The following PREX1 variants were observed in gnomAD, a reference collection of about 807,000 sequenced individuals.
PREX1 encodes the protein phosphatidylinositol 3,4,5-trisphosphate-dependent Rac exchanger 1 protein.
PREX1 carries 41 observed loss-of-function variants against 198.3 expected under a neutral mutation model. The observed-to-expected ratio is 0.21, with a 90% CI of 0.16 to 0.27. The LOEUF (loss-of-function observed/expected upper bound fraction) is 0.27. Among genes scored for constraint, PREX1 ranks in the 10% least tolerant of loss-of-function variants. The pLI is 1.00. For synonymous variants in PREX1, 843 were observed against 887.2 expected (o/e 0.95, Z 0.89); for missense variants, 1,620 against 2,200.7 (o/e 0.74, Z 5.28).
At position 48,691,832 on chromosome 20, in the gene PREX1, G is replaced by A. The variant is rs900340474; in HGVS notation, c.1037-736C>T. On this transcript the variant is annotated intron_variant, in intron 8 of 39. Transcript: ENST00000371941. This position sits in a 1 kb window ranked among gnomAD's most constrained non-coding sequence, Gnocchi z 5.0. Reference sequence around the variant, plus strand: ...GCAAACAGCTACATGCAGAGACATGGATGAACCCCACTAACGTGGTGTTGA... The same window carrying A: ...GCAAACAGCTACATGCAGAGACATGAATGAACCCCACTAACGTGGTGTTGA... 6.6e-6 allele frequency among the ~76,000 whole-genome samples: 1 copy of A among 152,210 alleles called. No homozygotes were observed. Among genetic ancestry groups the A allele is most frequent in the African/African-American group, 2.4e-5 (1 of 41,462 alleles).
chr20:48,784,639 C>T (rs1224936257), intron 1 of PREX1, among the ~76,000 whole-genome samples: 3 of 152,238 alleles, frequency 2.0e-5, no homozygotes, highest in Non-Finnish European at 4.4e-5. Context: ...AAAGAAGCCC[C>T]TTTTCTGGGG....
At chr20:48,721,744 C>T (rs2089986921) in intron 5 of PREX1, among the ~76,000 whole-genome samples, 1 of 152,154 alleles carries the variant, frequency 6.6e-6, no homozygotes, top group Non-Finnish European at 1.5e-5. Flanking sequence ...AGGACAAGAA[C>T]AGAGGCAGGG....
At position 48,653,344 on chromosome 20, in the gene PREX1, G is replaced by T; in HGVS notation, c.2346+17C>A. On this transcript the variant is annotated intron_variant, in intron 20 of 39. Transcript: ENST00000371941. Reference sequence around the variant, plus strand: ...CAGCAGGACTTCTTTGACGGCCCCGGTTTCCAGTAAACTTACCAGGGCCTC... The same window carrying T: ...CAGCAGGACTTCTTTGACGGCCCCGTTTTCCAGTAAACTTACCAGGGCCTC... 1 of 1,607,316 alleles carries T rather than the reference G, an allele frequency of 6.2e-7. No homozygotes were observed. The highest frequency in any genetic ancestry group is 1.7e-5 in the Admixed American group (1 of 59,912).
At chr20:48,696,157 TTAAGA>T (rs1365251019) in intron 7 of PREX1, among the ~76,000 whole-genome samples, 2 of 152,256 alleles carry the variant, frequency 1.3e-5, no homozygotes, top group Non-Finnish European at 2.9e-5. Flanking sequence ...TTTGTCCTGT[TTAAGA>T]TATTTGCTTA....
chr20:48,673,969 C>T (rs2089692855), intron 14 of PREX1, among the ~76,000 whole-genome samples: 1 of 152,184 alleles, frequency 6.6e-6, no homozygotes, highest in Admixed American at 6.5e-5. Flanking sequence ...CCCGGACAGG[C>T]TGAGCAACTT....
chr20:48,721,631 T>C (rs567141374), intron 5 of PREX1, among the ~76,000 whole-genome samples: 10 of 152,322 alleles, frequency 6.6e-5, no homozygotes, highest in East Asian at 1.9e-4. Context: ...AGCAAAGAAC[T>C]TGGACCTTAC....
the PREX1 span, among the ~76,000 whole-genome samples, chr20:48,834,537 A>G: frequency 6.6e-6 from 1 of 151,406 alleles, no homozygotes; most frequent in African/African-American, 2.4e-5. Context: ...CTGCCTTCCA[A>G]ATTTCCAGGG....
chr20:48,853,273 C>G, the PREX1 span, among the ~76,000 whole-genome samples: 2 of 152,158 alleles, frequency 1.3e-5, no homozygotes, highest in Non-Finnish European at 2.9e-5. Context: ...TTAGTCTATT[C>G]TCATGCTGCT....
chr20:48,765,148 G>A (rs1449216284), intron 1 of PREX1, among the ~76,000 whole-genome samples: 1 of 152,166 alleles, frequency 6.6e-6, no homozygotes, highest in Non-Finnish European at 1.5e-5. Context: ...ATGAATCACG[G>A]CCAAACACAA....
intron 3 of PREX1, among the ~76,000 whole-genome samples, chr20:48,738,998 G>T (rs1293887622): frequency 6.6e-6 from 1 of 152,154 alleles, no homozygotes; most frequent in Non-Finnish European, 1.5e-5. Context: ...GGTTAAAACA[G>T]AAATCAGACC....
At chr20:48,866,206 T>A in the PREX1 span, among the ~76,000 whole-genome samples, 1 of 152,168 alleles carries the variant, frequency 6.6e-6, no homozygotes, top group Non-Finnish European at 1.5e-5. Context: ...CTGGCTAAAC[T>A]TTTAATTTTT....
intron 5 of PREX1, among the ~76,000 whole-genome samples, chr20:48,719,068 G>C (rs759758077): frequency 8.5e-5 from 13 of 152,240 alleles, no homozygotes; most frequent in Non-Finnish European, 1.8e-4. Context: ...GCAAGCCTGG[G>C]AGGTAACTAC....
At chr20:48,687,297 G>A (rs1383300455) in intron 10 of PREX1, among the ~76,000 whole-genome samples, 3 of 152,120 alleles carry the variant, frequency 2.0e-5, no homozygotes, top group Admixed American at 1.3e-4. Context: ...AACTGCACTC[G>A]TGGGCTTCCC....
chr20:48,737,215 C>CAA (rs140010281), intron 3 of PREX1, among the ~76,000 whole-genome samples: 515 of 35,288 alleles, frequency 0.015, 118 homozygotes, highest in East Asian at 0.067. Flanking sequence ...GTTTTGACAG[C>CAA]AAAAAAAAAA....
intron 2 of PREX1, among the ~76,000 whole-genome samples, chr20:48,745,964 T>C (rs1412929814): frequency 6.6e-6 from 1 of 152,232 alleles, no homozygotes; most frequent in Non-Finnish European, 1.5e-5. Flanking sequence ...CAATTATTAT[T>C]ATTACTTTGC....
In PREX1 at chr20:48,708,350, C is replaced by A. The variant is rs777832680; in HGVS notation, c.693G>T (p.Lys231Asn). The A allele has an allele frequency of 6.2e-7, 1 of 1,614,170 alleles. No homozygotes were observed. Among genetic ancestry groups the A allele is most frequent in the Admixed American group, 1.7e-5 (1 of 60,030 alleles). The change falls in exon 6 of 40, where the codon AAG becomes AAT. Residue 231 changes from lysine (K) to asparagine (N), a missense_variant. Around this residue, in one of 7 missense-constraint regions of PREX1, gnomAD observed 488 missense variants for 802.5 expected, o/e 0.61. Transcript: ENST00000371941. ...TCTCATTGATGTTGGAGCAAACGGT[C>A]TTCATGGCCTGCAGGGCACTCTGGA... is the stretch of plus-strand genomic sequence containing the variant. Reference protein sequence around the residue: ...PAVQSALQAMKTVCSNINETK... With the variant: ...PAVQSALQAMNTVCSNINETK...
In PREX1 at chr20:48,632,395, G is replaced by A; in HGVS notation, c.4412-4C>T. ...AGCCCCTCCACGTTCTCCAGCACTG[G>A]GAGGGGAGATGTCGGGGGCGGGCAG... On this transcript the variant is annotated splice_polypyrimidine_tract_variant and splice_region_variant and intron_variant, in intron 34 of 39. Coordinates refer to ENST00000371941, the MANE Select transcript of PREX1 (RefSeq NM_020820.4). 6.2e-7 allele frequency: 1 copy of A among 1,613,728 alleles called. No homozygotes were observed. The highest frequency in any genetic ancestry group is 8.5e-7 in the Non-Finnish European group (1 of 1,179,952).
chr20:48,872,773 A>G, the PREX1 span, among the ~76,000 whole-genome samples: 1 of 152,062 alleles, frequency 6.6e-6, no homozygotes. Context: ...ATAAATAAAT[A>G]ACAAAATAAG....
intron 1 of PREX1, among the ~76,000 whole-genome samples, chr20:48,779,294 T>G (rs763258903): frequency 3.3e-5 from 5 of 152,234 alleles, no homozygotes; most frequent in Non-Finnish European, 5.9e-5. Context: ...TACAATGGGA[T>G]ACCTCTATGC....
Sources: allele counts gnomAD v4.1 joint callset (sites outside exome capture counted in the v4.1 genomes callset), GRCh38; gene constraint gnomAD v4.1.1; regional missense constraint gnomAD v4.1.1; non-coding constraint Gnocchi (gnomAD v3.1); transcripts MANE v1.5; gene names NCBI Gene and HGNC (gene_info 2026-07-23, HGNC 2026-07-21).